SDR16C5: variants seen among roughly 807,000 people sequenced by gnomAD.
SDR16C5 encodes the protein short chain dehydrogenase/reductase family 16C member 5.
A neutral mutation model predicts 27.7 loss-of-function variants in SDR16C5; 20 were observed. The ratio of observed to expected loss-of-function variants is 0.72; its 90% CI spans 0.51 to 1.05. The LOEUF (loss-of-function observed/expected upper bound fraction) is 1.05, where lower values mean the gene tolerates loss of function less well. Among genes scored for constraint, SDR16C5 ranks in the 50% least tolerant of loss-of-function variants. The pLI is 0.00. For missense variants in SDR16C5, 374 were observed against 366.3 expected (o/e 1.02, Z -0.17); for synonymous variants, 139 against 132.3 (o/e 1.05, Z -0.35).
chr8:56,311,248 T>C (rs1265340058), intron 3 of SDR16C5, among the ~76,000 whole-genome samples: 1 of 152,084 alleles, frequency 6.6e-6, no homozygotes, highest in African/African-American at 2.4e-5. Context: ...ACCCTGTCTC[T>C]ACTAAAAACA....
chr8:56,315,139 G>T (rs542355162), intron 2 of SDR16C5, among the ~76,000 whole-genome samples: 1 of 152,068 alleles, frequency 6.6e-6, no homozygotes, highest in Admixed American at 6.5e-5. Context: ...CAGCTACTCG[G>T]GGGGCTGAGG....
chr8:56,304,612 C>G (rs761397889), intron 6 of SDR16C5, among the ~76,000 whole-genome samples: 6 of 152,002 alleles, frequency 3.9e-5, no homozygotes, highest in Admixed American at 6.6e-5. Flanking sequence ...GATCTCAGCT[C>G]ACTGCAAACT....
At chr8:56,314,854 G>A (rs1815149782) in intron 2 of SDR16C5, among the ~76,000 whole-genome samples, 2 of 152,180 alleles carry the variant, frequency 1.3e-5, no homozygotes, top group Non-Finnish European at 2.9e-5. Context: ...CGGCAGGCTT[G>A]GTTGGTTCTT....
rs1182060515 is a variant in SDR16C5, at chr8:56,301,535, T to C, written c.875A>G (p.Tyr292Cys). 6.2e-7 allele frequency: 1 copy of C among 1,614,070 alleles called. No homozygotes were observed. The highest frequency in any genetic ancestry group is 1.3e-5 in the African/African-American group (1 of 74,940). Residue 292 changes from tyrosine to cysteine, a missense_variant, in exon 7 of 7, where the codon TAT becomes TGT. Tyr to Cys is a radical substitution (Grantham distance 194). Coordinates refer to ENST00000303749, the MANE Select transcript of SDR16C5 (RefSeq NM_138969.4). Reference sequence around the variant, plus strand: ...ATCCATTGCATGAAGGATGCCCAAATAGTCAGCTATAAGCAGTCCTGTCTT... The same window carrying C: ...ATCCATTGCATGAAGGATGCCCAAACAGTCAGCTATAAGCAGTCCTGTCTT... The part of the protein sequence containing the change: ...PLKTGLLIAD[Y>C]LGILHAMDGF...
chr8:56,313,765 C>T (rs1462447768), intron 2 of SDR16C5, among the ~76,000 whole-genome samples: 1 of 152,140 alleles, frequency 6.6e-6, no homozygotes, highest in East Asian at 1.9e-4. Flanking sequence ...TTTCTTCTTT[C>T]CAAGGATGGA....
intron 2 of SDR16C5, among the ~76,000 whole-genome samples, 164 bp from the exon 3 acceptor site, chr8:56,312,452 C>A (rs1815070911): frequency 6.6e-6 from 1 of 152,112 alleles, no homozygotes; most frequent in Non-Finnish European, 1.5e-5. Context: ...CACCTGTAAT[C>A]CCAGCACTCT....
At chr8:56,302,338 T>C (rs1341322835) in intron 6 of SDR16C5, among the ~76,000 whole-genome samples, 1 of 152,104 alleles carries the variant, frequency 6.6e-6, no homozygotes, top group African/African-American at 2.4e-5. Flanking sequence ...AGTACTACCT[T>C]CTTTATGAGA....
chr8:56,319,180 G>C (rs1158425645), intron 1 of SDR16C5, among the ~76,000 whole-genome samples: 2 of 150,926 alleles, frequency 1.3e-5, no homozygotes, highest in Non-Finnish European at 2.9e-5. Flanking sequence ...GGGTGCAAGG[G>C]GTTGGGGAGG....
At chr8:56,301,678 C>T (rs1814758657) in intron 6 of SDR16C5, 105 bp from the exon 7 acceptor site, 1 of 777,510 alleles carries the variant, frequency 1.3e-6, no homozygotes, top group African/African-American at 1.7e-5. Context: ...TGAAGTCACT[C>T]ACTCATGCAC....
Position 56,306,804 on chromosome 8 carries a change from T to G in SDR16C5, c.582A>C (p.Lys194Asn). The G allele has an allele frequency of 1.9e-6, 3 of 1,611,162 alleles. No homozygotes were observed. The highest frequency in any genetic ancestry group is 2.5e-6 in the Non-Finnish European group (3 of 1,179,388). ...ATTCAGCAAACCCAAAGGCTGCAAA[T>G]TTACTTGCACAGTAATCTGAAAAAG... Reference protein sequence around the residue: ...VNGLADYCASKFAAFGFAESV... With the variant: ...VNGLADYCASNFAAFGFAESV... The change falls in exon 5 of 7, where the codon AAA (lysine) becomes AAC (asparagine). Residue 194 changes from lysine to asparagine, a missense_variant. Transcript: ENST00000303749.
intron 5 of SDR16C5, 43 bp downstream of exon 5, chr8:56,306,633 T>A (rs1235125040): frequency 6.6e-7 from 1 of 1,503,952 alleles, no homozygotes; most frequent in Non-Finnish European, 9.0e-7. Flanking sequence ...TAGCAAAACA[T>A]TTTTAAGAGT....
At chr8:56,308,284 G>T (rs1188594487) in intron 4 of SDR16C5, among the ~76,000 whole-genome samples, 1 of 152,186 alleles carries the variant, frequency 6.6e-6, no homozygotes, top group African/African-American at 2.4e-5. Flanking sequence ...GCCAGGACTT[G>T]GGACATTTCC....
At position 56,306,712 on chromosome 8, in the gene SDR16C5, A is replaced by G. The variant is rs1460484623; in HGVS notation, c.674T>C (p.Phe225Ser). Residue 225 changes from phenylalanine (F) to serine (S), a missense_variant, in exon 5 of 7, where the codon TTT becomes TCT. Transcript: ENST00000303749. ...GIKTTIVCPF[F>S]IKTGMFEGCT... ...ACCTTCAAACATTCCAGTTTTTATA[A>G]AAAAGGGGCACACAATCGTGGTTTT... 1 of 1,613,630 alleles carries G rather than the reference A, an allele frequency of 6.2e-7. No homozygotes were observed. Among genetic ancestry groups the G allele is most frequent in the East Asian group, 2.2e-5 (1 of 44,866 alleles).
chr8:56,312,135 G>A, intron 3 of SDR16C5, 22 bp downstream of exon 3: 2 of 1,584,702 alleles, frequency 1.3e-6, no homozygotes, highest in Non-Finnish European at 1.7e-6. Context: ...TTACATTTAT[G>A]ATGAGAAGAA....
intron 1 of SDR16C5, among the ~76,000 whole-genome samples, chr8:56,316,870 T>C (rs192218328): frequency 6.6e-6 from 1 of 152,332 alleles, no homozygotes; most frequent in African/African-American, 2.4e-5. Flanking sequence ...AATCTGAGAT[T>C]TGAGAGGAAA....
chr8:56,305,540 T>C lies in SDR16C5; in HGVS notation c.836+57A>G. On this transcript the variant is annotated intron_variant, in intron 6 of 6. Coordinates refer to ENST00000303749, the MANE Select transcript of SDR16C5 (RefSeq NM_138969.4). ...TTTAAAGTGGCTTCTCCTGGTGGGATTTGGAGTAAACTGTAGACTGGCATG... is the reference window on the plus strand; with the variant it reads ...TTTAAAGTGGCTTCTCCTGGTGGGACTTGGAGTAAACTGTAGACTGGCATG... 3 of 1,454,992 alleles carry C rather than the reference T, an allele frequency of 2.1e-6. No homozygotes were observed. In the South Asian group the frequency reaches 4.3e-5, roughly 21 times the overall value. The allele number at this position is 1,454,992 out of a possible 1,614,324, so 90.1% of individuals were successfully genotyped here.
chr8:56,310,452 G>A (rs1479013454), intron 3 of SDR16C5, among the ~76,000 whole-genome samples: 2 of 152,024 alleles, frequency 1.3e-5, no homozygotes, highest in African/African-American at 4.8e-5. Context: ...AAGCGCAGTG[G>A]CTCACACCTG....
Position 56,308,218 on chromosome 8 carries a change from G to A in SDR16C5, c.565+710C>T, listed in dbSNP as rs577148078. On this transcript the variant is annotated intron_variant, in intron 4 of 6. Coordinates refer to ENST00000303749, the MANE Select transcript of SDR16C5 (RefSeq NM_138969.4). ...ACCCAACTGGCAAACTGGCTTATCT[G>A]TTATCCGAATGTTGCTGCTACAGTT... Among the ~76,000 whole-genome samples, 105 of 152,346 alleles carry A rather than the reference G, an allele frequency of 6.9e-4. 1 individual carries two copies. Among genetic ancestry groups the A allele is most frequent in the Admixed American group, 1.2e-3 (18 of 15,300 alleles).
chr8:56,311,571 G>A (rs1348009861), intron 3 of SDR16C5, among the ~76,000 whole-genome samples: 3 of 152,214 alleles, frequency 2.0e-5, no homozygotes, highest in Non-Finnish European at 4.4e-5. Context: ...TTGAGTGGGT[G>A]GCTTTAGAAG....
Sources: allele counts gnomAD v4.1 joint callset (sites outside exome capture counted in the v4.1 genomes callset), GRCh38; gene constraint gnomAD v4.1.1; transcripts MANE v1.5; gene names NCBI Gene and HGNC (gene_info 2026-07-23, HGNC 2026-07-21).